Variants in EML6 observed in about 807,000 individuals in gnomAD.
EML6 encodes EMAP like 6, also known as echinoderm microtubule-associated protein-like 6.
A neutral mutation model predicts 240.1 loss-of-function variants in EML6; 154 were observed. The observed-to-expected ratio is 0.64, with a 90% confidence interval of 0.56 to 0.73. EML6 has a LOEUF of 0.73. Among genes scored for constraint, EML6 ranks in the 30% least tolerant of loss-of-function variants. The probability of loss-of-function intolerance (pLI) is 0.00; values close to 1 mark genes in which losing one functional copy is unlikely to be tolerated. For synonymous variants in EML6, 1,148 were observed against 899.0 expected (o/e 1.28, Z -4.95); for missense variants, 2,964 against 2,474.6 (o/e 1.20, Z -4.20).
rs765809388 is a variant in EML6 at position 54,892,492 on chromosome 2, G to T, written c.2578G>T (p.Val860Phe). The change falls in exon 19 of 42, where the codon GTT (valine) becomes TTT (phenylalanine). Residue 860 changes from valine to phenylalanine, a missense_variant. Val to Phe is a conservative substitution (Grantham distance 50, BLOSUM62 -1). Coordinates refer to ENST00000356458, the MANE Select transcript of EML6 (RefSeq NM_001039753.4). ...FTSKRGTFGS[V>F]GKLETMMCVS... The stretch of plus-strand genomic sequence containing the variant: ...TTCTAAAAGAGGAACTTTTGGAAGC[G>T]TTGGAAAATTGGAAACAATGATGTG... 6.4e-7 allele frequency: 1 copy of T among 1,551,408 alleles called. No individual in the cohort carries two copies. Among genetic ancestry groups the T allele is most frequent in the Non-Finnish European group, 8.7e-7 (1 of 1,146,768 alleles).
chr2:54,796,820 G>C (rs1194735424), intron 2 of EML6, among the ~76,000 whole-genome samples: 1 of 152,078 alleles, frequency 6.6e-6, no homozygotes, highest in Non-Finnish European at 1.5e-5. Context: ...CTATTATAGA[G>C]GGTTAAGTGC....
chr2:54,750,032 CA>C (rs1434110154), intron 2 of EML6, among the ~76,000 whole-genome samples: 3 of 152,184 alleles, frequency 2.0e-5, no homozygotes, highest in African/African-American at 4.8e-5. Flanking sequence ...TTGCTGAAAG[CA>C]ATGGCAACAA....
chr2:54,775,258 C>T (rs892771296), intron 2 of EML6, among the ~76,000 whole-genome samples: 2 of 152,208 alleles, frequency 1.3e-5, no homozygotes, highest in South Asian at 2.1e-4. Flanking sequence ...CTTGCCATTC[C>T]TCGCTAGGCC....
At chr2:54,795,409 C>T (rs1299155299) in intron 2 of EML6, among the ~76,000 whole-genome samples, 3 of 152,116 alleles carry the variant, frequency 2.0e-5, no homozygotes, top group African/African-American at 4.8e-5. Context: ...TATCCAGTTA[C>T]CCCCCACCAG....
At chr2:54,959,782 AAAG>A (rs1676410457) in intron 34 of EML6, among the ~76,000 whole-genome samples, 1 of 151,826 alleles carries the variant, frequency 6.6e-6, no homozygotes, top group South Asian at 2.1e-4. Flanking sequence ...TAATAAATTA[AAAG>A]AAAATCTTGA....
chr2:54,903,689 C>G (rs1019223896), intron 24 of EML6, among the ~76,000 whole-genome samples, 187 bp downstream of exon 24: 4 of 152,192 alleles, frequency 2.6e-5, no homozygotes, highest in Non-Finnish European at 5.9e-5. Flanking sequence ...CTTTTTCCAT[C>G]TTTTTACGCT....
intron 2 of EML6, among the ~76,000 whole-genome samples, chr2:54,759,004 A>G (rs924183069): frequency 2.6e-5 from 4 of 151,920 alleles, no homozygotes; most frequent in Non-Finnish European, 5.9e-5. Flanking sequence ...CACACTTGAA[A>G]ACAAAAAATA....
chr2:54,951,927 T>C (rs188272661), intron 30 of EML6, among the ~76,000 whole-genome samples: 1 of 152,322 alleles, frequency 6.6e-6, no homozygotes, highest in East Asian at 1.9e-4. Flanking sequence ...CCATCATTCA[T>C]CTTTAGGTTC....
intron 11 of EML6, among the ~76,000 whole-genome samples, chr2:54,855,241 A>AG (rs1292562592): frequency 2.6e-5 from 4 of 152,082 alleles, no homozygotes; most frequent in African/African-American, 9.7e-5. Flanking sequence ...CGTCTGGGCG[A>AG]GGGGTGCTCA....
At chr2:54,807,013 A>G (rs1000553895) in intron 2 of EML6, among the ~76,000 whole-genome samples, 16 of 152,338 alleles carry the variant, frequency 1.1e-4, no homozygotes, top group Admixed American at 6.5e-4. Flanking sequence ...CACTTTACTG[A>G]CATAAATAAT....
In EML6 at chr2:54,820,309, T is replaced by A. The variant is rs887956238; in HGVS notation, c.457-85T>A. ...TAACATTGTGTTCTAAATGTTATAG[T>A]AGAGTCTTGGCAATTGGACTAGTAT... is the stretch of plus-strand genomic sequence containing the variant. On this transcript the variant is annotated intron_variant, in intron 4 of 41. Coordinates refer to ENST00000356458, the MANE Select transcript of EML6 (RefSeq NM_001039753.4). 2.9e-5 allele frequency: 22 copies of A among 757,628 alleles called. No homozygotes were observed. The South Asian group carries it at 3.5e-4, about 12-fold the overall frequency. 46.9% of individuals were successfully genotyped at this position (757,628 alleles called of 1,614,324 possible).
chr2:54,926,880 T>C (rs980485262), intron 26 of EML6, among the ~76,000 whole-genome samples: 1 of 152,320 alleles, frequency 6.6e-6, no homozygotes, highest in Non-Finnish European at 1.5e-5. Flanking sequence ...TTTCTTGCCA[T>C]CTAGAAACCC....
intron 11 of EML6, among the ~76,000 whole-genome samples, chr2:54,855,294 G>A (rs775417445): frequency 3.3e-5 from 5 of 152,102 alleles, no homozygotes; most frequent in Non-Finnish European, 5.9e-5. Context: ...GAGAAGGTAC[G>A]TCACAAAGCC....
At chr2:54,968,313 G>A (rs1284030724) in intron 40 of EML6, 32 bp downstream of exon 40, 1 of 1,550,124 alleles carries the variant, frequency 6.5e-7, no homozygotes, top group Non-Finnish European at 8.7e-7. Flanking sequence ...CTCCCTGCAG[G>A]TTCTCTGTTT....
At position 54,847,588 on chromosome 2, in the gene EML6, C is replaced by T; in HGVS notation, c.1152C>T (p.Gly384=). ...FSPDGSQLAL[G]MKDGSFIVLR... is the part of the protein sequence containing the mutation. ...CCGACGGATCTCAGCTGGCCCTGGGCATGAAGGACGGCTCTTTCATTGTTC... is the reference window on the plus strand; with the variant it reads ...CCGACGGATCTCAGCTGGCCCTGGGTATGAAGGACGGCTCTTTCATTGTTC... Residue 384 remains glycine, a synonymous_variant, in exon 9 of 42, where the codon GGC becomes GGT. Transcript: ENST00000356458. The T allele has an allele frequency of 6.4e-7, 1 of 1,552,328 alleles. No homozygotes were observed. Among genetic ancestry groups the T allele is most frequent in the Non-Finnish European group, 8.7e-7 (1 of 1,147,118 alleles).
chr2:54,941,234 G>A (rs778245877), intron 28 of EML6, among the ~76,000 whole-genome samples: 9 of 152,034 alleles, frequency 5.9e-5, no homozygotes, highest in African/African-American at 1.9e-4. Flanking sequence ...CTTTCACCTC[G>A]AACATTTGTC....
intron 17 of EML6, among the ~76,000 whole-genome samples, chr2:54,883,939 A>G (rs947463427): frequency 1.3e-5 from 2 of 152,192 alleles, no homozygotes; most frequent in African/African-American, 4.8e-5. Flanking sequence ...AAAAGCTCTC[A>G]CCCAAACTCA....
chr2:54,868,037 G>A (rs1188982400), intron 14 of EML6: 1 of 152,184 alleles, frequency 6.6e-6, no homozygotes, highest in African/African-American at 2.4e-5. Context: ...TGTTCTGCAT[G>A]TGTAAAATGC....
At chr2:54,871,355 C>A in intron 15 of EML6, 145 bp from the exon 16 acceptor site, 1 of 643,202 alleles carries the variant, frequency 1.6e-6, no homozygotes, top group Non-Finnish European at 2.7e-6. Context: ...TCAAAAATAA[C>A]TGAATTGTAG....
Sources: gnomAD v4.1 joint callset for allele counts (sites outside exome capture counted in the v4.1 genomes callset) on GRCh38, gnomAD v4.1.1 for gene constraint, MANE v1.5 for transcripts, NCBI Gene and HGNC (gene_info 2026-07-23, HGNC 2026-07-21) for gene names.